The following CACNA2D1 variants were observed in gnomAD, a reference collection of about 807,000 sequenced individuals.
CACNA2D1 encodes calcium voltage-gated channel auxiliary subunit alpha2delta 1.
CACNA2D1 carries 53 observed loss-of-function variants against 171.5 expected under a neutral mutation model. The ratio of observed to expected loss-of-function variants is 0.31; its 90% confidence interval spans 0.25 to 0.39. The LOEUF (loss-of-function observed/expected upper bound fraction) is 0.39, where lower values mean the gene tolerates loss of function less well. Among genes scored for constraint, CACNA2D1 ranks in the 10% least tolerant of loss-of-function variants. The pLI, the probability that CACNA2D1 is intolerant of heterozygous loss-of-function variation, is 1.00. For missense variants in CACNA2D1, 903 were observed against 1,299.8 expected, an observed-to-expected ratio of 0.69 and a Z score of 4.69; for synonymous variants, 442 against 443.1, an observed-to-expected ratio of 1.00 and a Z score of 0.03.
At chr7:82,406,592 G>C (rs1026409546) in intron 1 of CACNA2D1, among the ~76,000 whole-genome samples, 2 of 152,176 alleles carry the variant, frequency 1.3e-5, no homozygotes, top group African/African-American at 4.8e-5. Context: ...ATTCTAACTG[G>C]TGTGAGATGG....
intron 3 of CACNA2D1, among the ~76,000 whole-genome samples, chr7:82,311,863 C>A (rs113288921): frequency 0.014 from 2,148 of 152,216 alleles, 48 homozygotes; most frequent in South Asian, 0.053. Flanking sequence ...GGCCCAGGTA[C>A]CTTGCCTACA....
chr7:81,959,786 T>C lies in CACNA2D1; in HGVS notation c.3010A>G (p.Ile1004Val). 1.2e-6 allele frequency: 2 copies of C among 1,612,708 alleles called. No homozygotes were observed. The highest frequency in any genetic ancestry group is 2.2e-5 in the East Asian group (1 of 44,832). Reference protein sequence around the residue: ...EKLMNTNLIFIMVESKGTCPC... With the variant: ...EKLMNTNLIFVMVESKGTCPC... ...CATGTCCCTTTGCTCTCAACCATTA[T>C]GAATATTAAGTTGGTGTTCATAAGC... The change falls in exon 37 of 39, where the codon ATA becomes GTA. Residue 1004 changes from isoleucine (I) to valine (V), a missense_variant. By Grantham distance (29) the Ile-to-Val change is conservative. Around this residue, in one of 5 missense-constraint regions of CACNA2D1, gnomAD observed 623 missense variants for 925.5 expected, o/e 0.67. Transcript: ENST00000356860.
At chr7:82,247,075 T>A (rs1474667309) in intron 3 of CACNA2D1, among the ~76,000 whole-genome samples, 2 of 152,160 alleles carry the variant, frequency 1.3e-5, no homozygotes, top group Admixed American at 6.5e-5. Flanking sequence ...CTTTTCTAGG[T>A]CTTTTGGGGA....
chr7:81,993,134 A>G (rs1205042347), intron 20 of CACNA2D1, among the ~76,000 whole-genome samples: 1 of 152,172 alleles, frequency 6.6e-6, no homozygotes, highest in Non-Finnish European at 1.5e-5. Flanking sequence ...TTTATTCTAT[A>G]CACTTACAAT....
intron 3 of CACNA2D1, among the ~76,000 whole-genome samples, chr7:82,285,792 G>T (rs953106679): frequency 2.0e-5 from 3 of 152,144 alleles, no homozygotes; most frequent in Non-Finnish European, 4.4e-5. Context: ...GACCCTCTAT[G>T]AAAAACACAG....
At chr7:82,422,092 T>C (rs1051053563) in intron 1 of CACNA2D1, among the ~76,000 whole-genome samples, 2 of 152,186 alleles carry the variant, frequency 1.3e-5, no homozygotes, top group African/African-American at 4.8e-5. Flanking sequence ...CCATCCCATA[T>C]TTTTACCCAA....
intron 12 of CACNA2D1, among the ~76,000 whole-genome samples, chr7:82,031,791 G>A (rs555953908): frequency 1.3e-5 from 2 of 151,916 alleles, no homozygotes; most frequent in South Asian, 2.1e-4. Flanking sequence ...CAATCCATGT[G>A]TGTTCCTCAA....
At chr7:81,970,007 T>C in intron 27 of CACNA2D1, 23 bp from the exon 28 acceptor site, 1 of 1,339,292 alleles carries the variant, frequency 7.5e-7, no homozygotes, top group East Asian at 2.3e-5. Flanking sequence ...TGGCTCATCA[T>C]TTGTATTCTT....
chr7:82,150,266 A>AG (rs796101211), intron 4 of CACNA2D1, among the ~76,000 whole-genome samples: 1 of 87,156 alleles, frequency 1.1e-5, no homozygotes, highest in Non-Finnish European at 2.2e-5. Context: ...TTAAAAAAAA[A>AG]AAACAAAAAC....
intron 7 of CACNA2D1, among the ~76,000 whole-genome samples, chr7:82,069,919 T>G (rs1270018366): frequency 6.6e-6 from 1 of 152,154 alleles, no homozygotes; most frequent in Non-Finnish European, 1.5e-5. Context: ...ACAATGCCTT[T>G]AAAAGTCACT....
chr7:82,043,558 A>G (rs1241505206), intron 10 of CACNA2D1, among the ~76,000 whole-genome samples: 3 of 152,184 alleles, frequency 2.0e-5, no homozygotes, highest in Non-Finnish European at 4.4e-5. Flanking sequence ...TTCCAAAGAA[A>G]CTTCTTATTA....
intron 11 of CACNA2D1, among the ~76,000 whole-genome samples, chr7:82,035,799 AAAC>A (rs1319215155): frequency 1.3e-5 from 2 of 152,184 alleles, no homozygotes; most frequent in Admixed American, 6.5e-5. Context: ...TTTTTATCAA[AAAC>A]AACCATATTC....
chr7:82,239,439 G>A (rs985494078), intron 3 of CACNA2D1, among the ~76,000 whole-genome samples: 41 of 151,968 alleles, frequency 2.7e-4, no homozygotes, highest in African/African-American at 9.7e-4. Flanking sequence ...AAATCCCACC[G>A]CTATAGTAAT....
intron 29 of CACNA2D1, 80 bp downstream of exon 29, chr7:81,968,807 T>A: frequency 1.2e-6 from 1 of 829,156 alleles, no homozygotes; most frequent in South Asian, 1.4e-5. Flanking sequence ...ACCTTCTTGA[T>A]AAACATTGCC....
At chr7:82,108,011 T>C (rs6960102) in intron 6 of CACNA2D1, among the ~76,000 whole-genome samples, 22,315 of 152,152 alleles carry the variant, frequency 0.15, 1,664 homozygotes, top group South Asian at 0.19. Context: ...AAAGGTTTAA[T>C]AGGCTATCAA....
intron 38 of CACNA2D1, among the ~76,000 whole-genome samples, chr7:81,958,883 A>C (rs886741677): frequency 1.3e-5 from 2 of 152,008 alleles, no homozygotes; most frequent in Non-Finnish European, 2.9e-5. Flanking sequence ...ATAATAAGAC[A>C]ATGGCTGTAT....
intron 11 of CACNA2D1, among the ~76,000 whole-genome samples, chr7:82,033,961 T>C (rs1223285277): frequency 3.3e-5 from 5 of 152,110 alleles, no homozygotes; most frequent in East Asian, 1.9e-4. Context: ...ATGAGCCTCA[T>C]ATGGAACTTT....
intron 26 of CACNA2D1, 133 bp from the exon 27 acceptor site, chr7:81,970,870 T>A: frequency 6.0e-6 from 4 of 671,788 alleles, no homozygotes; most frequent in Non-Finnish European, 1.1e-5. Flanking sequence ...AACTATGTTT[T>A]AATAATTTAA....
At chr7:81,961,599 TTCTC>T (rs1255885623) in intron 36 of CACNA2D1, among the ~76,000 whole-genome samples, 10 of 151,832 alleles carry the variant, frequency 6.6e-5, no homozygotes, top group Non-Finnish European at 1.3e-4. Flanking sequence ...ATAATCAAAT[TTCTC>T]TATGTTCTGC....
Sources: allele counts gnomAD v4.1 joint callset (sites outside exome capture counted in the v4.1 genomes callset), GRCh38; gene constraint gnomAD v4.1.1; regional missense constraint gnomAD v4.1.1; transcripts MANE v1.5; gene names NCBI Gene and HGNC (gene_info 2026-07-23, HGNC 2026-07-21).